The following TRPM4 variants were observed in gnomAD, a reference collection of about 807,000 sequenced individuals.
TRPM4 encodes the protein calcium-activated non-selective cation channel 1.
TRPM4 carries 124 observed loss-of-function variants against 135.6 expected under a neutral mutation model. The ratio of observed to expected loss-of-function variants is 0.91; its 90% CI spans 0.79 to 1.06. TRPM4 has a LOEUF of 1.06. Among genes scored for constraint, TRPM4 ranks in the 50% least tolerant of loss-of-function variants. The probability of loss-of-function intolerance (pLI) is 0.00; values close to 1 mark genes in which losing one functional copy is unlikely to be tolerated. For missense variants in TRPM4, 1,658 were observed against 1,671.4 expected (o/e 0.99, Z 0.14); for synonymous variants, 745 against 705.6 (o/e 1.06, Z -0.88).
At chr19:49,158,329 GC>G in intron 2 of TRPM4, 70 bp downstream of exon 2, 1 of 1,351,752 alleles carries the variant, frequency 7.4e-7, no homozygotes, top group Non-Finnish European at 1.1e-6. Flanking sequence ...GGATGGTCAC[GC>G]CCCAGCCCTG....
intron 20 of TRPM4, among the ~76,000 whole-genome samples, chr19:49,203,511 G>A (rs1487674205): frequency 1.3e-5 from 2 of 152,154 alleles, no homozygotes; most frequent in Admixed American, 1.3e-4. Context: ...GTACAAGTCA[G>A]TGACATTAAT....
At chr19:49,162,349 G>C (rs966647464) in intron 2 of TRPM4, among the ~76,000 whole-genome samples, 4 of 151,998 alleles carry the variant, frequency 2.6e-5, no homozygotes, top group African/African-American at 9.7e-5. Flanking sequence ...GACCAGCCTG[G>C]CCAATGTGGT....
At chr19:49,194,564 CTCCT>C (rs756838228) in intron 16 of TRPM4, among the ~76,000 whole-genome samples, 4 of 150,062 alleles carry the variant, frequency 2.7e-5, no homozygotes, top group Non-Finnish European at 4.4e-5. Context: ...TCCTTCCTTC[CTCCT>C]TCCTTCCTTC....
chr19:49,181,180 C>T (rs896837325), intron 9 of TRPM4, among the ~76,000 whole-genome samples, 169 bp from the exon 10 acceptor site: 1 of 152,186 alleles, frequency 6.6e-6, no homozygotes, highest in Admixed American at 6.5e-5. Context: ...AGCCAAATGA[C>T]CTTATGCCTA....
intron 12 of TRPM4, among the ~76,000 whole-genome samples, chr19:49,187,782 G>A (rs1899321928): frequency 6.6e-6 from 1 of 152,148 alleles, no homozygotes; most frequent in African/African-American, 2.4e-5. Context: ...AAGATAATTT[G>A]GTGGGTAGAG....
intron 12 of TRPM4, among the ~76,000 whole-genome samples, chr19:49,185,931 CAT>C (rs1968181265): frequency 6.6e-6 from 1 of 151,866 alleles, no homozygotes; most frequent in South Asian, 2.1e-4. Flanking sequence ...TTGTATTTTT[CAT>C]AGAGACGGGG....
At chr19:49,194,760 A>T (rs1716268) in intron 16 of TRPM4, among the ~76,000 whole-genome samples, 2 of 46,512 alleles carry the variant, frequency 4.3e-5, no homozygotes, top group Admixed American at 5.8e-4. Context: ...CCCTCCCCCC[A>T]ACCCTTCCTT....
At chr19:49,174,501 G>A (rs936296880) in intron 9 of TRPM4, among the ~76,000 whole-genome samples, 1 of 151,592 alleles carries the variant, frequency 6.6e-6, no homozygotes, top group African/African-American at 2.4e-5. Flanking sequence ...TGGCTCACAC[G>A]TGTAATTTCA....
intron 6 of TRPM4, among the ~76,000 whole-genome samples, chr19:49,170,452 G>C (rs1353697437): frequency 1.3e-5 from 2 of 152,252 alleles, no homozygotes; most frequent in East Asian, 1.9e-4. Flanking sequence ...GCCTCCCAAA[G>C]TGCTGGGATT....
Position 49,210,805 on chromosome 19 carries a change from G to T in TRPM4, c.3424G>T (p.Glu1142Ter). The T allele has an allele frequency of 1.2e-6, 2 of 1,613,680 alleles. No homozygotes were observed. The highest frequency in any genetic ancestry group is 8.5e-7 in the Non-Finnish European group (1 of 1,179,910). The change falls in exon 22 of 25, where the codon GAG (glutamate) becomes TAG (stop). Residue 1142 changes from glutamate (E) to a stop codon, truncating the protein, a stop_gained. Transcript: ENST00000252826. LOFTEE classifies it high-confidence loss of function. This position sits in a 1 kb window ranked among gnomAD's most constrained non-coding sequence, Gnocchi z 4.1. ...FLLARARDKR[E>*]SDSERLKRTS... ...GCTGGCACGCGCTAGGGACAAGCGG[G>T]AGAGCGACTCCGAGCGTCTGAAGCG...
Position 49,171,872 on chromosome 19 carries a change from G to T in TRPM4, c.1050+103G>T. On this transcript the variant is annotated intron_variant, in intron 8 of 24. Transcript: ENST00000252826. This position sits in a 1 kb window ranked among gnomAD's most constrained non-coding sequence, Gnocchi z 4.7. ...AGGGGCTGGGGGCCTGGACTTCCAG[G>T]TTCCGGGAGAAGAGGGTGCTGGGCA... is the stretch of plus-strand genomic sequence containing the variant. 7.0e-7 allele frequency: 1 copy of T among 1,433,296 alleles called. No homozygotes were observed. Among genetic ancestry groups the T allele is most frequent in the Non-Finnish European group, 9.7e-7 (1 of 1,029,298 alleles). The allele number at this position is 1,433,296 out of a possible 1,614,324, so 88.8% of individuals were successfully genotyped here. A position where few individuals can be genotyped will look rare whatever the true frequency, so the allele number is the denominator to read the frequency against.
chr19:49,175,067 C>CTTTTTTTTTTTTTTTTTTTTTTTT (rs772062913), intron 9 of TRPM4, among the ~76,000 whole-genome samples: 6 of 77,584 alleles, frequency 7.7e-5, no homozygotes, highest in African/African-American at 1.5e-4. Context: ...TCATGCCTGG[C>CTTTTTTTTTTTTTTTTTTTTTTTT]TTTTTTTTTT....
intron 9 of TRPM4, among the ~76,000 whole-genome samples, chr19:49,180,052 G>C (rs1239945904): frequency 6.6e-6 from 1 of 152,164 alleles, no homozygotes; most frequent in African/African-American, 2.4e-5. Flanking sequence ...ACGTCTGCCT[G>C]CCCCAGAGCC....
Position 49,210,853 on chromosome 19 carries a change from G to C in TRPM4, c.3461+11G>C. 6.2e-7 allele frequency: 1 copy of C among 1,605,786 alleles called. No individual in the cohort carries two copies. The highest frequency in any genetic ancestry group is 1.1e-5 in the South Asian group (1 of 89,840). ...GCGCACGTCCCAGAAGTGAGAGCGG[G>C]GCCTGGTCGGGGATGGGGCTTCTGG... On this transcript the variant is annotated intron_variant, in intron 22 of 24. Transcript: ENST00000252826. This position sits in a 1 kb window ranked among gnomAD's most constrained non-coding sequence, Gnocchi z 4.1.
rs1223454142 is a variant in TRPM4 at position 49,196,444 on chromosome 19, G to C, written c.2215G>C (p.Ala739Pro). The C allele has an allele frequency of 1.3e-6, 2 of 1,540,866 alleles. No individual in the cohort carries two copies. The highest frequency in any genetic ancestry group is 4.8e-5 in the East Asian group (2 of 41,472). The change falls in exon 17 of 25, where the codon GCG becomes CCG. Residue 739 changes from alanine (A) to proline (P), a missense_variant. Physicochemically the swap from Ala to Pro is conservative, Grantham distance 27 (BLOSUM62 -1). This residue lies in a region of TRPM4 where 1,412 missense variants were observed against 1,408.7 expected (regional missense o/e 1.00). Transcript: ENST00000252826. ...VINGEGPVGTADPAEKTPLGV... is the reference protein window; with the variant it reads ...VINGEGPVGTPDPAEKTPLGV... ...TTCTCTTCTCTTCCCCCACAGGACG[G>C]CGGACCCAGCCGAGAAGACGCCGCT...
chr19:49,158,612 A>G (rs915458347), intron 2 of TRPM4: 2 of 278,160 alleles, frequency 7.2e-6, no homozygotes, highest in African/African-American at 4.5e-5. Context: ...TCATTCATTC[A>G]TTCATTCATC....
intron 12 of TRPM4, among the ~76,000 whole-genome samples, chr19:49,184,065 A>G (rs925516943): frequency 3.3e-5 from 5 of 151,948 alleles, no homozygotes; most frequent in Non-Finnish European, 5.9e-5. Context: ...TTGGCCTGTG[A>G]ATTTCTTTTA....
chr19:49,162,010 T>C (rs987094702), intron 2 of TRPM4, among the ~76,000 whole-genome samples: 2 of 152,054 alleles, frequency 1.3e-5, no homozygotes, highest in Admixed American at 1.3e-4. Context: ...AGGCTTGCAC[T>C]GGGAACACCT....
chr19:49,186,427 C>T (rs546309209), intron 12 of TRPM4, among the ~76,000 whole-genome samples: 119 of 152,266 alleles, frequency 7.8e-4, no homozygotes, highest in African/African-American at 2.8e-3. Flanking sequence ...GTCTGGATTT[C>T]CTGGTACACA....
Sources: gnomAD v4.1 joint callset for allele counts (sites outside exome capture counted in the v4.1 genomes callset) on GRCh38, gnomAD v4.1.1 for gene constraint, gnomAD v4.1.1 regional missense constraint, Gnocchi (gnomAD v3.1) non-coding constraint, MANE v1.5 for transcripts, NCBI Gene and HGNC (gene_info 2026-07-23, HGNC 2026-07-21) for gene names.